Variants in ZNF609 observed in about 807,000 individuals in gnomAD.
ZNF609 encodes zinc finger protein 609.
ZNF609 carries 11 observed loss-of-function variants against 109.5 expected under a neutral mutation model. The ratio of observed to expected loss-of-function variants is 0.10; its 90% CI spans 0.06 to 0.17. The LOEUF (loss-of-function observed/expected upper bound fraction) is 0.17. ZNF609 is among the 10% of genes least tolerant of loss of function. ZNF609 has a pLI of 1.00. For synonymous variants in ZNF609, 646 were observed against 662.0 expected, an observed-to-expected ratio of 0.98 and a Z score of 0.37; for missense variants, 1,559 against 1,772.4, an observed-to-expected ratio of 0.88 and a Z score of 2.16.
intron 2 of ZNF609, among the ~76,000 whole-genome samples, chr15:64,545,253 C>T (rs1341568335): frequency 6.6e-6 from 1 of 151,718 alleles, no homozygotes; most frequent in South Asian, 2.1e-4. Flanking sequence ...GCTTGGAGTG[C>T]AGTGGCGTGA....
chr15:64,469,928 G>T (rs1893071060), intron 1 of ZNF609, among the ~76,000 whole-genome samples: 1 of 152,104 alleles, frequency 6.6e-6, no homozygotes, highest in Non-Finnish European at 1.5e-5. Context: ...TTCAGTCAAG[G>T]ATCTAATAAT....
intron 2 of ZNF609, among the ~76,000 whole-genome samples, chr15:64,511,955 C>T (rs1401302942): frequency 3.3e-5 from 5 of 151,858 alleles, no homozygotes; most frequent in Admixed American, 3.3e-4. Context: ...CCTCGTGATC[C>T]AACCACCTCA....
chr15:64,677,307 C>T (rs898042750), intron 5 of ZNF609, among the ~76,000 whole-genome samples: 6 of 152,192 alleles, frequency 3.9e-5, no homozygotes, highest in East Asian at 1.9e-4. Flanking sequence ...AAGCAATCCT[C>T]GCGCCTCAGC....
intron 1 of ZNF609, among the ~76,000 whole-genome samples, chr15:64,461,234 CGGT>C (rs1402130265): frequency 3.5e-5 from 1 of 28,362 alleles, no homozygotes; most frequent in Middle Eastern, 0.011. Context: ...GGGGCGGGGG[CGGT>C]GGTGGTTGTT....
chr15:64,685,178 T>A lies in ZNF609; in HGVS notation c.*3492T>A, dbSNP rs996160911. The A allele has an allele frequency of 6.6e-5, 10 of 150,438 alleles. No homozygotes were observed. Among genetic ancestry groups the A allele is most frequent in the African/African-American group, 2.4e-4 (10 of 41,190 alleles). 9.3% of individuals were successfully genotyped at this position (150,438 alleles called of 1,614,324 possible). A position where few individuals can be genotyped will look rare whatever the true frequency, so the allele number is the denominator to read the frequency against. ...TTCCTTGTTTTTTTATATATATATA[T>A]AAATATATATATATACAAACTGTAC... On this transcript the variant is annotated 3_prime_UTR_variant, in exon 10 of 10. Coordinates refer to ENST00000326648, the MANE Select transcript of ZNF609 (RefSeq NM_015042.2).
In ZNF609 at chr15:64,684,312, C is replaced by T. The variant is rs1384203780; in HGVS notation, c.*2626C>T. The T allele has an allele frequency of 2.6e-5, 4 of 152,588 alleles. No homozygotes were observed. The highest frequency in any genetic ancestry group is 7.2e-5 in the African/African-American group (3 of 41,456). The allele number at this position is 152,588 out of a possible 1,614,324, so 9.5% of individuals were successfully genotyped here. On this transcript the variant is annotated 3_prime_UTR_variant, in exon 10 of 10. Coordinates refer to ENST00000326648, the MANE Select transcript of ZNF609 (RefSeq NM_015042.2). ...AAACAAAGGCTGGAAAAATTTGCTACCAAGGGCCAAGACCACCAGACCAAG... is the reference window on the plus strand; with the variant it reads ...AAACAAAGGCTGGAAAAATTTGCTATCAAGGGCCAAGACCACCAGACCAAG...
intron 2 of ZNF609, among the ~76,000 whole-genome samples, chr15:64,570,140 G>A (rs954971903): frequency 6.6e-5 from 10 of 152,120 alleles, no homozygotes; most frequent in Non-Finnish European, 1.3e-4. Context: ...GATTACAGGC[G>A]TGAGCCACTG....
At position 64,627,994 on chromosome 15, in the gene ZNF609, C is replaced by T. The variant is rs140135455; in HGVS notation, c.973+4942C>T. Among the ~76,000 whole-genome samples, 786 of 151,210 alleles carry T rather than the reference C, an allele frequency of 5.2e-3. 5 individuals are homozygous for T. Among genetic ancestry groups the T allele is most frequent in the Non-Finnish European group, 6.2e-3 (418 of 67,778 alleles). ...TTAAGTTATAAAAATCTATGCAGGC[C>T]AGGTGTGGTGGCTCATGCCTGTAAT... is the stretch of plus-strand genomic sequence containing the variant. On this transcript the variant is annotated intron_variant, in intron 3 of 9. Coordinates refer to ENST00000326648, the MANE Select transcript of ZNF609 (RefSeq NM_015042.2).
chr15:64,596,470 C>T (rs867591317), intron 2 of ZNF609, among the ~76,000 whole-genome samples: 1 of 152,080 alleles, frequency 6.6e-6, no homozygotes, highest in African/African-American at 2.4e-5. Flanking sequence ...TCTTTCTTGC[C>T]TTAGGAGTTT....
chr15:64,646,960 AAATC>A (rs2140994659), intron 3 of ZNF609, among the ~76,000 whole-genome samples: 1 of 151,254 alleles, frequency 6.6e-6, no homozygotes, highest in Admixed American at 6.6e-5. Context: ...AAAAAAAAAA[AAATC>A]AACCTGGTAT....
At chr15:64,638,690 A>G (rs1381743600) in intron 3 of ZNF609, among the ~76,000 whole-genome samples, 1 of 151,290 alleles carries the variant, frequency 6.6e-6, no homozygotes, top group Non-Finnish European at 1.5e-5. Context: ...GAGCCCGGGA[A>G]TTCAAGACCA....
intron 2 of ZNF609, among the ~76,000 whole-genome samples, chr15:64,590,148 A>G (rs1397576163): frequency 6.6e-6 from 1 of 152,144 alleles, no homozygotes; most frequent in African/African-American, 2.4e-5. Context: ...TGAACTCCCA[A>G]CCTGTATACT....
At chr15:64,504,043 C>G (rs949482332) in intron 2 of ZNF609, among the ~76,000 whole-genome samples, 1 of 152,200 alleles carries the variant, frequency 6.6e-6, no homozygotes, top group Non-Finnish European at 1.5e-5. Flanking sequence ...TTTCTTAACG[C>G]CTTCTTCCAC....
chr15:64,502,409 G>A (rs1893574422), intron 2 of ZNF609: 1 of 152,210 alleles, frequency 6.6e-6, no homozygotes, highest in African/African-American at 2.4e-5. Flanking sequence ...TAAAGGAAAG[G>A]AAGTTAGGAA....
At chr15:64,587,815 C>T (rs191792169) in intron 2 of ZNF609, among the ~76,000 whole-genome samples, 12 of 152,188 alleles carry the variant, frequency 7.9e-5, no homozygotes, top group Admixed American at 7.9e-4. Context: ...GATGTGGTGT[C>T]TCCAGGTTAA....
intron 2 of ZNF609, among the ~76,000 whole-genome samples, chr15:64,516,438 C>A (rs1893811215): frequency 6.6e-6 from 1 of 152,126 alleles, no homozygotes; most frequent in Non-Finnish European, 1.5e-5. Context: ...ATGGCACGAT[C>A]TCGTCTCACT....
rs893352627 is a variant in ZNF609, at chr15:64,499,990, T to G, written c.571T>G (p.Leu191Val). The G allele has an allele frequency of 1.2e-6, 2 of 1,613,918 alleles. No homozygotes were observed. The highest frequency in any genetic ancestry group is 1.7e-5 in the Admixed American group (1 of 59,966). Reference sequence around the variant, plus strand: ...TCCTGGGGTCCTCCAGCCAGTTCCCTTGGGAGGACGGGGTGGTCAGTATGA... The same window carrying G: ...TCCTGGGGTCCTCCAGCCAGTTCCCGTGGGAGGACGGGGTGGTCAGTATGA... Reference protein sequence around the residue: ...KDPGVLQPVPLGGRGGQYDGS... With the variant: ...KDPGVLQPVPVGGRGGQYDGS... Residue 191 changes from leucine to valine, a missense_variant, in exon 2 of 10, where the codon TTG (leucine) becomes GTG (valine). Around this residue, in one of 4 missense-constraint regions of ZNF609, gnomAD observed 291 missense variants for 317.8 expected, o/e 0.92. Transcript: ENST00000326648.
chr15:64,522,528 C>G (rs556972), intron 2 of ZNF609, among the ~76,000 whole-genome samples: 113,039 of 152,156 alleles, frequency 0.74, 45,508 homozygotes, highest in East Asian at 0.96. Context: ...CTTTGTTTAG[C>G]TTTTTATAAC....
rs372938289 is a variant in ZNF609 at position 64,522,697 on chromosome 15, G to A, written c.747+22531G>A. 7.5e-3 allele frequency among the ~76,000 whole-genome samples: 1,141 copies of A among 152,278 alleles called. 149 individuals carry two copies. The South Asian group carries it at 0.22, about 30-fold the overall frequency. Reference sequence around the variant, plus strand: ...TGCTTTCTTCTCTTTGGAAAGAGGTGTCTGTGATGTCAGTTAACATAATTT... The same window carrying A: ...TGCTTTCTTCTCTTTGGAAAGAGGTATCTGTGATGTCAGTTAACATAATTT... On this transcript the variant is annotated intron_variant, in intron 2 of 9. Coordinates refer to ENST00000326648, the MANE Select transcript of ZNF609 (RefSeq NM_015042.2).
Sources: gnomAD v4.1 joint callset for allele counts (sites outside exome capture counted in the v4.1 genomes callset) on GRCh38, gnomAD v4.1.1 for gene constraint, gnomAD v4.1.1 regional missense constraint, MANE v1.5 for transcripts, NCBI Gene and HGNC (gene_info 2026-07-23, HGNC 2026-07-21) for gene names.